TTC39C: variants seen among roughly 807,000 people sequenced by gnomAD.
The protein encoded by TTC39C is tetratricopeptide repeat domain 39C.
TTC39C carries 33 observed loss-of-function variants against 76.3 expected under a neutral mutation model. That is an observed-to-expected ratio of 0.43 (90% CI 0.33 to 0.58). The LOEUF (loss-of-function observed/expected upper bound fraction) is 0.58. TTC39C is among the 20% of genes least tolerant of loss of function. TTC39C has a pLI of 0.04. For missense variants in TTC39C, 595 were observed against 701.4 expected (o/e 0.85, Z 1.71); for synonymous variants, 254 against 260.6 (o/e 0.97, Z 0.24).
intron 6 of TTC39C, among the ~76,000 whole-genome samples, chr18:24,091,907 A>G (rs1373498589): frequency 6.6e-6 from 1 of 151,426 alleles, no homozygotes. Context: ...GGCTAACATG[A>G]TGAAACCCTG....
chr18:24,068,986 T>G (rs1208516359), intron 3 of TTC39C, among the ~76,000 whole-genome samples, 171 bp from the exon 4 acceptor site: 1 of 152,220 alleles, frequency 6.6e-6, no homozygotes, highest in Non-Finnish European at 1.5e-5. Context: ...AAAGTCAGAC[T>G]AATGGGAATT....
At chr18:24,022,514 A>G in intron 1 of TTC39C, 2 of 972,034 alleles carry the variant, frequency 2.1e-6, no homozygotes, top group Non-Finnish European at 2.4e-6. Flanking sequence ...TCTGGGTGTG[A>G]CCATGTGCTA....
At chr18:24,040,273 C>G (rs1254273279) in intron 1 of TTC39C, among the ~76,000 whole-genome samples, 1 of 152,182 alleles carries the variant, frequency 6.6e-6, no homozygotes, top group Non-Finnish European at 1.5e-5. Flanking sequence ...TTTAATTTGA[C>G]TTTCTTGCGT....
intron 1 of TTC39C, among the ~76,000 whole-genome samples, chr18:24,029,126 G>A (rs1253931975): frequency 3.3e-5 from 5 of 150,920 alleles, no homozygotes; most frequent in South Asian, 2.1e-4. Context: ...TGTGTGAGAC[G>A]GAGTCTTGCT....
chr18:24,023,973 TATATATACATATATATATATA>T (rs2083555905), intron 1 of TTC39C, among the ~76,000 whole-genome samples: 1 of 17,154 alleles, frequency 5.8e-5, no homozygotes, highest in African/African-American at 1.7e-4. Flanking sequence ...TATATATATA[TATATATACATATATATATATA>T]TATATATATA....
rs192718093 is a variant in TTC39C, at chr18:24,032,845, A to C, written c.167+17807A>C. Among the ~76,000 whole-genome samples the C allele has an allele frequency of 5.2e-4, 79 of 152,390 alleles. 1 individual carries two copies. Among genetic ancestry groups the C allele is most frequent in the Non-Finnish European group, 9.1e-4 (62 of 68,038 alleles). The stretch of plus-strand genomic sequence containing the variant: ...TTAGCTCATGCTATAAAATAGACTC[A>C]TATTTCCCCCTTTTATACAGGGGTT... On this transcript the variant is annotated intron_variant, in intron 1 of 13. Coordinates refer to ENST00000317571, the MANE Select transcript of TTC39C (RefSeq NM_001135993.2).
intron 6 of TTC39C, among the ~76,000 whole-genome samples, chr18:24,094,564 T>G (rs977514012): frequency 6.6e-6 from 1 of 152,214 alleles, no homozygotes; most frequent in Non-Finnish European, 1.5e-5. Context: ...TCAAAACTAC[T>G]CCTTGTTCCA....
chr18:24,021,539 C>CTTTTT (rs60505555), intron 1 of TTC39C, among the ~76,000 whole-genome samples: 15 of 118,862 alleles, frequency 1.3e-4, no homozygotes, highest in African/African-American at 4.3e-4. Flanking sequence ...TTCTTTCCTT[C>CTTTTT]TTTTTTTTTT....
At chr18:23,995,334 G>T (rs1283479624) in intron 1 of TTC39C, among the ~76,000 whole-genome samples, 1 of 152,110 alleles carries the variant, frequency 6.6e-6, no homozygotes, top group African/African-American at 2.4e-5. Context: ...GCCAGGTGTG[G>T]TGGCGCGCGT....
At chr18:23,994,593 C>G (rs75878286) in intron 1 of TTC39C, 5 of 152,224 alleles carry the variant, frequency 3.3e-5, no homozygotes, top group Non-Finnish European at 7.3e-5. Flanking sequence ...ATGGTACTTA[C>G]GTTCCTTAGG....
At chr18:24,119,875 G>A (rs574139103) in intron 8 of TTC39C, among the ~76,000 whole-genome samples, 19 of 152,274 alleles carry the variant, frequency 1.2e-4, no homozygotes, top group Non-Finnish European at 2.8e-4. Flanking sequence ...GGGCCGCACA[G>A]TCGATGGTGG....
chr18:24,116,323 G>A (rs2084891033), intron 7 of TTC39C, among the ~76,000 whole-genome samples: 2 of 152,266 alleles, frequency 1.3e-5, no homozygotes, highest in South Asian at 2.1e-4. Flanking sequence ...GGGGCAGATC[G>A]CCTAAAGCCA....
intron 1 of TTC39C, among the ~76,000 whole-genome samples, chr18:24,062,551 C>T (rs1333320359): frequency 6.6e-6 from 1 of 152,072 alleles, no homozygotes; most frequent in Non-Finnish European, 1.5e-5. Flanking sequence ...CAGGAGTGTG[C>T]CGTTTGATCT....
At chr18:24,113,529 A>G (rs2084844981) in intron 6 of TTC39C, 1 of 699,000 alleles carries the variant, frequency 1.4e-6, no homozygotes, top group East Asian at 2.7e-5. Context: ...CTGGAAGCCC[A>G]GGGGAGGGAA....
At chr18:24,104,693 T>TGC (rs148231204) in intron 6 of TTC39C, among the ~76,000 whole-genome samples, 3,439 of 149,910 alleles carry the variant, frequency 0.023, 127 homozygotes, top group African/African-American at 0.076. Flanking sequence ...GGTGTTTGTG[T>TGC]GTGTGTGTGT....
intron 1 of TTC39C, among the ~76,000 whole-genome samples, chr18:24,060,975 A>T (rs1192471229): frequency 6.6e-6 from 1 of 152,156 alleles, no homozygotes; most frequent in African/African-American, 2.4e-5. Flanking sequence ...ATTTGCTTTT[A>T]GGGACATTTA....
At chr18:24,016,332 T>C (rs2083454463) in intron 1 of TTC39C, among the ~76,000 whole-genome samples, 1 of 152,228 alleles carries the variant, frequency 6.6e-6, no homozygotes, top group African/African-American at 2.4e-5. Context: ...ATTTAAAAGG[T>C]TTACTTGTCA....
intron 6 of TTC39C, among the ~76,000 whole-genome samples, chr18:24,093,083 T>A (rs1277471693): frequency 6.6e-6 from 1 of 152,246 alleles, no homozygotes; most frequent in African/African-American, 2.4e-5. Flanking sequence ...AGTAGTTGCA[T>A]AGCTATAATA....
intron 1 of TTC39C, among the ~76,000 whole-genome samples, chr18:24,008,800 A>G (rs1416873264): frequency 6.6e-6 from 1 of 152,254 alleles, no homozygotes; most frequent in Non-Finnish European, 1.5e-5. Context: ...CAATCAAACT[A>G]AATGCCCATC....
Sources: allele counts gnomAD v4.1 joint callset (sites outside exome capture counted in the v4.1 genomes callset), GRCh38; gene constraint gnomAD v4.1.1; transcripts MANE v1.5; gene names NCBI Gene and HGNC (gene_info 2026-07-23, HGNC 2026-07-21).